MCOLN2: variants seen among roughly 807,000 people sequenced by gnomAD.
The protein encoded by MCOLN2 is mucolipin-2.
A neutral mutation model predicts 67.5 loss-of-function variants in MCOLN2; 57 were observed. The observed-to-expected ratio is 0.84, with a 90% CI of 0.68 to 1.05. The LOEUF is 1.05. Among genes scored for constraint, MCOLN2 ranks in the 50% least tolerant of loss-of-function variants. MCOLN2 has a pLI of 0.00. For synonymous variants in MCOLN2, 246 were observed against 233.3 expected (o/e 1.05, Z -0.50); for missense variants, 620 against 678.8 (o/e 0.91, Z 0.96).
At position 84,952,472 on chromosome 1, in the gene MCOLN2, T is replaced by C. The variant is rs767533024; in HGVS notation, c.624A>G (p.Ser208=). The change falls in exon 5 of 14, where the codon TCA becomes TCG. Residue 208 remains serine (S), a synonymous_variant. Transcript: ENST00000370608. Reference sequence around the variant, plus strand: ...GATAAAATTCCAGTCTGAAGAATGATGAGTTCTTCCAGTCCGGAGGCTTCT... The same window carrying C: ...GATAAAATTCCAGTCTGAAGAATGACGAGTTCTTCCAGTCCGGAGGCTTCT... ...LSKKPPDWKN[S]SFFRLEFYRL... 2.4e-5 allele frequency: 38 copies of C among 1,612,264 alleles called. No individual in the cohort carries two copies. Among genetic ancestry groups the C allele is most frequent in the Non-Finnish European group, 3.1e-5 (36 of 1,178,432 alleles).
chr1:84,947,221 T>C lies in MCOLN2; in HGVS notation c.748-89A>G, dbSNP rs1648163077. ...CTGCTTAAAAAAAAAATCACTGGCA[T>C]CCAGTGTGCTGATCCAAAGAGAATT... On this transcript the variant is annotated intron_variant, in intron 6 of 13. Coordinates refer to ENST00000370608, the MANE Select transcript of MCOLN2 (RefSeq NM_153259.4). 5 of 729,026 alleles carry C rather than the reference T, an allele frequency of 6.9e-6. No homozygotes were observed. The Admixed American group carries it at 1.0e-4, about 15-fold the overall frequency. 45.2% of individuals were successfully genotyped at this position (729,026 alleles called of 1,614,324 possible). A position where few individuals can be genotyped will look rare whatever the true frequency, so the allele number is the denominator to read the frequency against.
At chr1:84,977,326 G>A (rs1650035585) in intron 1 of MCOLN2, among the ~76,000 whole-genome samples, 1 of 149,916 alleles carries the variant, frequency 6.7e-6, no homozygotes, top group African/African-American at 2.5e-5. Flanking sequence ...CAAGAAAGAA[G>A]GAGAGAAAGA....
At chr1:84,988,719 C>T (rs1041564969) in intron 1 of MCOLN2, among the ~76,000 whole-genome samples, 1 of 152,128 alleles carries the variant, frequency 6.6e-6, no homozygotes, top group East Asian at 1.9e-4. Flanking sequence ...AGTCAGATAT[C>T]ACTTCTTTGT....
At chr1:84,981,083 G>A (rs1280557944) in intron 1 of MCOLN2, among the ~76,000 whole-genome samples, 3 of 151,480 alleles carry the variant, frequency 2.0e-5, no homozygotes, top group South Asian at 2.1e-4. Context: ...CTAGAGAAAC[G>A]CAAATCAAAA....
rs575955142 is a variant in MCOLN2, at chr1:84,937,661, G to A, written c.1335+94C>T. On this transcript the variant is annotated intron_variant, in intron 11 of 13. Coordinates refer to ENST00000370608, the MANE Select transcript of MCOLN2 (RefSeq NM_153259.4). ...GTGATTACTGATGTCAAGGGTACAT[G>A]CTAGAGAAGACCAGGAAGCAAGTAA... The A allele has an allele frequency of 7.3e-5, 114 of 1,557,646 alleles. No homozygotes were observed. The East Asian group carries it at 2.4e-3, about 33-fold the overall frequency.
intron 2 of MCOLN2, among the ~76,000 whole-genome samples, chr1:84,962,150 T>C (rs1649120311): frequency 6.6e-6 from 1 of 152,206 alleles, no homozygotes; most frequent in South Asian, 2.1e-4. Context: ...AATGATCCTA[T>C]ATGGAAACAA....
chr1:84,976,812 A>G (rs1650013552), intron 1 of MCOLN2, among the ~76,000 whole-genome samples: 1 of 152,176 alleles, frequency 6.6e-6, no homozygotes, highest in Non-Finnish European at 1.5e-5. Flanking sequence ...GATTTCATCA[A>G]CACCAGACCT....
At chr1:84,982,928 G>T (rs188445257) in intron 1 of MCOLN2, among the ~76,000 whole-genome samples, 324 of 152,192 alleles carry the variant, frequency 2.1e-3, no homozygotes, top group African/African-American at 7.3e-3. Context: ...GCGTTGGCCA[G>T]GCTGGTCTCG....
At chr1:84,956,733 ATCT>A (rs755637672) in intron 3 of MCOLN2, 149 bp from the exon 4 acceptor site, 5 of 658,194 alleles carry the variant, frequency 7.6e-6, no homozygotes, top group African/African-American at 3.8e-5. Context: ...CTACAAAGAA[ATCT>A]TCTCAGTTTG....
intron 9 of MCOLN2, among the ~76,000 whole-genome samples, chr1:84,939,089 G>A (rs915700768): frequency 2.6e-5 from 4 of 152,118 alleles, no homozygotes; most frequent in Non-Finnish European, 5.9e-5. Flanking sequence ...GGAGAATAGT[G>A]CGGTGAAGGA....
chr1:84,953,601 T>C lies in MCOLN2; in HGVS notation c.566-1071A>G, dbSNP rs182941467. 1.7e-4 allele frequency among the ~76,000 whole-genome samples: 25 copies of C among 150,838 alleles called. No homozygotes were observed. The East Asian group carries it at 2.5e-3, about 15-fold the overall frequency. ...ATTGGGGAAATCTGGATGAAGGCTA[T>C]ACAGGAAATATTTGTGCTATTTTGT... is the stretch of plus-strand genomic sequence containing the variant. On this transcript the variant is annotated intron_variant, in intron 4 of 13. Transcript: ENST00000370608.
At chr1:84,949,034 G>A (rs1648273799) in intron 6 of MCOLN2, among the ~76,000 whole-genome samples, 1 of 152,184 alleles carries the variant, frequency 6.6e-6, no homozygotes, top group African/African-American at 2.4e-5. Context: ...GGAGGCTGAG[G>A]CATGAGAATC....
intron 7 of MCOLN2, among the ~76,000 whole-genome samples, chr1:84,944,272 C>T (rs926901103): frequency 3.3e-5 from 5 of 152,134 alleles, no homozygotes; most frequent in Admixed American, 6.5e-5. Context: ...CGGTGGCTCA[C>T]GCCTGTAATC....
intron 8 of MCOLN2, among the ~76,000 whole-genome samples, chr1:84,940,366 G>A (rs958928713): frequency 6.6e-6 from 1 of 152,192 alleles, no homozygotes. Flanking sequence ...TATGTGGGGA[G>A]CGGAAGTATA....
chr1:84,993,617 GTCTT>G (rs1283829619), intron 1 of MCOLN2, among the ~76,000 whole-genome samples: 8 of 1,662 alleles, frequency 4.8e-3, no homozygotes, highest in African/African-American at 8.8e-3. Flanking sequence ...CTTAAATAAT[GTCTT>G]TTTTTTTTTT....
At position 84,939,670 on chromosome 1, in the gene MCOLN2, C is replaced by T. The variant is rs370300917; in HGVS notation, c.993G>A (p.Lys331=). Residue 331 remains lysine, a synonymous_variant, in exon 9 of 14, where the codon AAG becomes AAA. Transcript: ENST00000370608. The part of the protein sequence containing the change: ...RFLNFFLEKY[K]RPVCDTDQWE... ...ACTGGTCGGTGTCACACACAGGCCG[C>T]TTGTACTTCTCCAGGAAGAAATTTA... The T allele has an allele frequency of 2.5e-6, 4 of 1,614,014 alleles. No individual in the cohort carries two copies. The African/African-American group carries it at 5.3e-5, about 22-fold the overall frequency.
intron 1 of MCOLN2, among the ~76,000 whole-genome samples, chr1:84,989,978 C>A (rs1650801430): frequency 6.6e-6 from 1 of 152,012 alleles, no homozygotes; most frequent in South Asian, 2.1e-4. Context: ...GGCACTTGGG[C>A]AGTATCTATA....
intron 6 of MCOLN2, among the ~76,000 whole-genome samples, chr1:84,949,502 G>A (rs559963831): frequency 1.4e-4 from 22 of 152,184 alleles, no homozygotes; most frequent in African/African-American, 5.1e-4. Flanking sequence ...TTAGCTGGGC[G>A]TGGTGGCAGG....
In MCOLN2 at chr1:84,968,061, G is replaced by C. The variant is rs1649471965; in HGVS notation, c.78-2353C>G. On this transcript the variant is annotated intron_variant, in intron 1 of 13. Coordinates refer to ENST00000370608, the MANE Select transcript of MCOLN2 (RefSeq NM_153259.4). ...AGTTGCCACCATTCAAGTACACTCA[G>C]CTTCCGTTCTGTGGCCTCAGGAAAC... 2.6e-5 allele frequency among the ~76,000 whole-genome samples: 4 copies of C among 152,176 alleles called. 1 individual carries two copies. The South Asian group carries it at 8.3e-4, about 32-fold the overall frequency.
Sources: allele counts gnomAD v4.1 joint callset (sites outside exome capture counted in the v4.1 genomes callset), GRCh38; gene constraint gnomAD v4.1.1; transcripts MANE v1.5; gene names NCBI Gene and HGNC (gene_info 2026-07-23, HGNC 2026-07-21).